Variants in THSD7B observed in about 807,000 individuals in gnomAD.
THSD7B encodes thrombospondin type 1 domain containing 7B, also known as thrombospondin type-1 domain-containing protein 7B.
THSD7B carries 138 observed loss-of-function variants against 213.6 expected under a neutral mutation model. That is an observed-to-expected ratio of 0.65 (90% confidence interval 0.56 to 0.74). The LOEUF (loss-of-function observed/expected upper bound fraction) is 0.74. THSD7B is among the 30% of genes least tolerant of loss of function. The pLI is 0.00. For missense variants in THSD7B, 1,931 were observed against 1,991.5 expected (o/e 0.97, Z 0.58); for synonymous variants, 742 against 687.0 (o/e 1.08, Z -1.25).
At position 137,642,254 on chromosome 2, in the gene THSD7B, G is replaced by A. The variant is rs1269677965; in HGVS notation, c.3800-234G>A. ...GGCAACAATAGAACGTTTGTACTTTGAAGACTAAAAGAAGTAGAAGACAGA... is the reference window on the plus strand; with the variant it reads ...GGCAACAATAGAACGTTTGTACTTTAAAGACTAAAAGAAGTAGAAGACAGA... On this transcript the variant is annotated intron_variant, in intron 20 of 27. Coordinates refer to ENST00000409968, the MANE Select transcript of THSD7B (RefSeq NM_001316349.2). 5 of 452,054 alleles carry A rather than the reference G, an allele frequency of 1.1e-5. No homozygotes were observed. The South Asian group carries it at 1.7e-4, about 15-fold the overall frequency. 28.0% of individuals were successfully genotyped at this position (452,054 alleles called of 1,614,324 possible). A position where few individuals can be genotyped will look rare whatever the true frequency, so the allele number is the denominator to read the frequency against.
At chr2:137,290,486 C>T (rs1348329335) in intron 12 of THSD7B, among the ~76,000 whole-genome samples, 1 of 152,124 alleles carries the variant, frequency 6.6e-6, no homozygotes, top group Non-Finnish European at 1.5e-5. Flanking sequence ...TCCCAAGTCG[C>T]TGAGCCCCGC....
chr2:137,508,281 C>T (rs938268206), intron 15 of THSD7B, among the ~76,000 whole-genome samples: 12 of 152,046 alleles, frequency 7.9e-5, no homozygotes, highest in African/African-American at 2.9e-4. Context: ...GGCTCTGTTG[C>T]CCAGGCTGGA....
chr2:137,390,343 A>G (rs1685992473), intron 12 of THSD7B, among the ~76,000 whole-genome samples: 1 of 152,006 alleles, frequency 6.6e-6, no homozygotes, highest in South Asian at 2.1e-4. Flanking sequence ...CAGCTAGTTC[A>G]TTATTGGTAT....
At chr2:137,202,752 AAG>A (rs1251303630) in intron 7 of THSD7B, among the ~76,000 whole-genome samples, 2 of 152,160 alleles carry the variant, frequency 1.3e-5, no homozygotes, top group Admixed American at 1.3e-4. Context: ...GCTTTGAGAA[AAG>A]AGAGGCTGTG....
intron 15 of THSD7B, among the ~76,000 whole-genome samples, chr2:137,456,268 A>C (rs997145375): frequency 7.2e-5 from 11 of 152,306 alleles, no homozygotes; most frequent in African/African-American, 2.4e-4. Context: ...TTGTTTCCAA[A>C]GATATACAAA....
chr2:137,090,205 T>A (rs1251991625), intron 3 of THSD7B, among the ~76,000 whole-genome samples: 1 of 152,068 alleles, frequency 6.6e-6, no homozygotes, highest in Non-Finnish European at 1.5e-5. Flanking sequence ...AATTATTATG[T>A]TTTTATATCT....
intron 12 of THSD7B, among the ~76,000 whole-genome samples, chr2:137,323,616 A>G (rs1221327784): frequency 3.3e-5 from 5 of 152,130 alleles, no homozygotes; most frequent in African/African-American, 4.8e-5. Flanking sequence ...CTTATTAGCT[A>G]TTGAGGGAGT....
chr2:136,985,266 G>T (rs533542343), intron 2 of THSD7B, among the ~76,000 whole-genome samples: 1 of 152,174 alleles, frequency 6.6e-6, no homozygotes, highest in Non-Finnish European at 1.5e-5. Context: ...CCTTGAAGGC[G>T]TTTGAGAAAT....
intron 3 of THSD7B, among the ~76,000 whole-genome samples, chr2:137,086,140 A>C (rs1463174534): frequency 6.6e-6 from 1 of 152,142 alleles, no homozygotes; most frequent in Non-Finnish European, 1.5e-5. Flanking sequence ...TGAGGTCAGG[A>C]GTTCAAGACC....
intron 2 of THSD7B, among the ~76,000 whole-genome samples, chr2:136,956,117 A>C (rs1478842770): frequency 6.6e-6 from 1 of 152,230 alleles, no homozygotes; most frequent in Non-Finnish European, 1.5e-5. Flanking sequence ...TAGAAATTTA[A>C]TAAATCTGTC....
In THSD7B at chr2:136,990,953, C is replaced by T. The variant is rs373006557; in HGVS notation, c.140-65467C>T. 2.3e-4 allele frequency: 310 copies of T among 1,333,798 alleles called. 1 individual carries two copies. In the African/African-American group the frequency reaches 4.3e-3, roughly 18 times the overall value. 82.6% of individuals were successfully genotyped at this position (1,333,798 alleles called of 1,614,324 possible). On this transcript the variant is annotated intron_variant, in intron 2 of 27. Coordinates refer to ENST00000409968, the MANE Select transcript of THSD7B (RefSeq NM_001316349.2). ...AAATTAGCAGGTAAATCAGAAGAAT[C>T]AGATGTGGGAAAGACATCAAAACTA...
intron 14 of THSD7B, among the ~76,000 whole-genome samples, chr2:137,421,141 C>T (rs572212262): frequency 2.0e-4 from 31 of 152,278 alleles, no homozygotes; most frequent in South Asian, 1.0e-3. Context: ...TGTTTTTCCT[C>T]TGCCCACACA....
rs533533738 is a variant in THSD7B, at chr2:137,643,261, A to G, written c.3945+628A>G. ...CTCTCTGGCTTCTTGCTTAAGAAATAGCACATTGTTTTTCCCTATTTTCTT... is the reference window on the plus strand; with the variant it reads ...CTCTCTGGCTTCTTGCTTAAGAAATGGCACATTGTTTTTCCCTATTTTCTT... On this transcript the variant is annotated intron_variant, in intron 21 of 27. Transcript: ENST00000409968. Among the ~76,000 whole-genome samples, 3 of 152,344 alleles carry G rather than the reference A, an allele frequency of 2.0e-5. No homozygotes were observed. The South Asian group carries it at 6.2e-4, about 32-fold the overall frequency.
chr2:137,452,001 T>C lies in THSD7B; in HGVS notation c.3138+978T>C, dbSNP rs1000624550. 1.8e-5 allele frequency: 16 copies of C among 905,028 alleles called. No homozygotes were observed. The East Asian group carries it at 9.4e-4, about 53-fold the overall frequency. 56.1% of individuals were successfully genotyped at this position (905,028 alleles called of 1,614,324 possible). A position where few individuals can be genotyped will look rare whatever the true frequency, so the allele number is the denominator to read the frequency against. On this transcript the variant is annotated intron_variant, in intron 15 of 27. Transcript: ENST00000409968. ...GCTGTTTAATGTAAGGAAAATCTCA[T>C]ATGTCCTTTCTTAATTATAATAGCA...
chr2:137,255,918 C>T (rs1682297427), intron 10 of THSD7B, among the ~76,000 whole-genome samples: 1 of 152,082 alleles, frequency 6.6e-6, no homozygotes, highest in Non-Finnish European at 1.5e-5. Context: ...AAACTCCTGA[C>T]CTCCAGTGGT....
At chr2:137,140,844 G>A (rs940681077) in intron 5 of THSD7B, among the ~76,000 whole-genome samples, 6 of 152,120 alleles carry the variant, frequency 3.9e-5, no homozygotes, top group Non-Finnish European at 7.4e-5. Context: ...TGTGATACAT[G>A]CAATATAGAA....
chr2:137,088,931 A>G (rs1687893434), intron 3 of THSD7B, among the ~76,000 whole-genome samples: 1 of 152,114 alleles, frequency 6.6e-6, no homozygotes, highest in South Asian at 2.1e-4. Context: ...ATATCACCTT[A>G]CTCCTACAAG....
At chr2:136,808,756 T>C (rs547950200) in intron 1 of THSD7B, among the ~76,000 whole-genome samples, 1 of 152,354 alleles carries the variant, frequency 6.6e-6, no homozygotes, top group South Asian at 2.1e-4. Context: ...GTTTAAACTA[T>C]TCTGTATCTT....
intron 17 of THSD7B, among the ~76,000 whole-genome samples, chr2:137,593,565 G>C (rs932629519): frequency 7.1e-6 from 1 of 141,772 alleles, no homozygotes; most frequent in African/African-American, 2.6e-5. Flanking sequence ...TGGGTCATTA[G>C]ATATCTTATT....
Sources: allele counts gnomAD v4.1 joint callset (sites outside exome capture counted in the v4.1 genomes callset), GRCh38; gene constraint gnomAD v4.1.1; transcripts MANE v1.5; gene names NCBI Gene and HGNC (gene_info 2026-07-23, HGNC 2026-07-21).